Variants in ATP6V1B1 observed in about 807,000 individuals in gnomAD.
ATP6V1B1 encodes ATPase H+ transporting V1 subunit B1, also known as V-type proton ATPase subunit B, kidney isoform.
A neutral mutation model predicts 62.1 loss-of-function variants in ATP6V1B1; 41 were observed. The ratio of observed to expected loss-of-function variants is 0.66; its 90% CI spans 0.51 to 0.86. The LOEUF is 0.86. Among genes scored for constraint, ATP6V1B1 ranks in the 40% least tolerant of loss-of-function variants. The pLI, the probability that ATP6V1B1 is intolerant of heterozygous loss-of-function variation, is 0.00. For missense variants in ATP6V1B1, 651 were observed against 697.5 expected (o/e 0.93, Z 0.75); for synonymous variants, 253 against 273.4 (o/e 0.93, Z 0.74).
chr2:70,962,849 T>C lies in ATP6V1B1; in HGVS notation c.858T>C (p.His286=), dbSNP rs2104831219. ...AEFLAYQCEK[H]VLVILTDMSS... is the part of the protein sequence containing the mutation. ...TCCTTGCCTACCAGTGTGAGAAGCA[T>C]GTGCTGGTCATACTGACGGACATGA... The change falls in exon 9 of 14, where the codon CAT becomes CAC. Residue 286 remains histidine (H), a synonymous_variant. Coordinates refer to ENST00000234396, the MANE Select transcript of ATP6V1B1 (RefSeq NM_001692.4). The C allele has an allele frequency of 6.2e-7, 1 of 1,614,170 alleles. No individual in the cohort carries two copies. The highest frequency in any genetic ancestry group is 8.5e-7 in the Non-Finnish European group (1 of 1,180,014).
chr2:70,964,244 GT>G, intron 11 of ATP6V1B1, 193 bp from the exon 12 acceptor site: 1 of 602,692 alleles, frequency 1.7e-6, no homozygotes, highest in African/African-American at 1.9e-5. Context: ...CCCCTCCACT[GT>G]TCTGTCTAGG....
At chr2:70,950,350 AAAAT>A (rs2104815931) in intron 2 of ATP6V1B1, among the ~76,000 whole-genome samples, 1 of 152,310 alleles carries the variant, frequency 6.6e-6, no homozygotes, top group East Asian at 1.9e-4. Context: ...ATTAAATTTT[AAAAT>A]AAACAATAAT....
Position 70,936,006 on chromosome 2 carries a change from A to C in ATP6V1B1, c.52A>C (p.Asn18His). 3 of 1,613,966 alleles carry C rather than the reference A, an allele frequency of 1.9e-6. No homozygotes were observed. The highest frequency in any genetic ancestry group is 2.5e-6 in the Non-Finnish European group (3 of 1,179,932). Reference sequence around the variant, plus strand: ...TGGGGGGCTCCCCGGCAGTAGCTGCAACCTAGGTGCAGCCCGAGAACACAT... The same window carrying C: ...TGGGGGGCTCCCCGGCAGTAGCTGCCACCTAGGTGCAGCCCGAGAACACAT... ...RPGGLPGSSC[N>H]LGAAREHMQA... The change falls in exon 1 of 14, where the codon AAC (asparagine) becomes CAC (histidine). Residue 18 changes from asparagine to histidine, a missense_variant. Physicochemically the swap from Asn to His is moderately conservative, Grantham distance 68 (BLOSUM62 1). Transcript: ENST00000234396.
chr2:70,945,359 G>A (rs543735320), intron 2 of ATP6V1B1, among the ~76,000 whole-genome samples: 23 of 152,192 alleles, frequency 1.5e-4, no homozygotes, highest in African/African-American at 3.9e-4. Flanking sequence ...CTAAATTTGC[G>A]TAAACGTTAA....
intron 2 of ATP6V1B1, chr2:70,943,948 C>T (rs1160033182): frequency 2.2e-6 from 2 of 927,716 alleles, no homozygotes; most frequent in Non-Finnish European, 2.6e-6. Flanking sequence ...GGAGGCCCAG[C>T]CCTGGGCCTT....
At chr2:70,938,610 G>T in intron 1 of ATP6V1B1, 1 of 985,392 alleles carries the variant, frequency 1.0e-6, no homozygotes, top group Non-Finnish European at 1.2e-6. Context: ...TGGCTAGAAA[G>T]GAGGAGACAC....
intron 2 of ATP6V1B1, among the ~76,000 whole-genome samples, chr2:70,949,796 C>T (rs540639512): frequency 9.2e-5 from 14 of 152,252 alleles, no homozygotes; most frequent in African/African-American, 3.4e-4. Context: ...TCTTTTGCAA[C>T]AATAAATGAA....
At chr2:70,941,429 C>T (rs1440920817) in intron 1 of ATP6V1B1, 1 of 985,406 alleles carries the variant, frequency 1.0e-6, no homozygotes, top group East Asian at 1.1e-4. Flanking sequence ...TGCCCTTTCC[C>T]CAGCTCCCTG....
At chr2:70,936,173 A>T in intron 1 of ATP6V1B1, 101 bp downstream of exon 1, 1 of 1,270,422 alleles carries the variant, frequency 7.9e-7, no homozygotes, top group Non-Finnish European at 1.1e-6. Context: ...AAGGAGGAGG[A>T]CCCAAGACCT....
At position 70,965,133 on chromosome 2, in the gene ATP6V1B1, G is replaced by A. The variant is rs77794859; in HGVS notation, c.*12G>A. ...ACACTGCGCTCTAGCCCCGCGCGCC[G>A]TGGCACCCCAACACCGGCAGGGAAC... On this transcript the variant is annotated 3_prime_UTR_variant, in exon 14 of 14. Transcript: ENST00000234396. The A allele has an allele frequency of 5.0e-3, 8,092 of 1,606,664 alleles. 355 individuals are homozygous for A. In the African/African-American group the frequency reaches 0.097, roughly 19 times the overall value.
At chr2:70,938,508 A>C in intron 1 of ATP6V1B1, 1 of 978,656 alleles carries the variant, frequency 1.0e-6, no homozygotes, top group Non-Finnish European at 1.2e-6. Flanking sequence ...AGGTGAGTCC[A>C]GGTGACTTAG....
At position 70,963,100 on chromosome 2, in the gene ATP6V1B1, C is replaced by A; in HGVS notation, c.910-62C>A. 1.9e-6 allele frequency: 3 copies of A among 1,611,888 alleles called. No individual in the cohort carries two copies. In the South Asian group the frequency reaches 3.3e-5, roughly 18 times the overall value. On this transcript the variant is annotated intron_variant, in intron 9 of 13. Coordinates refer to ENST00000234396, the MANE Select transcript of ATP6V1B1 (RefSeq NM_001692.4). This position sits in a 1 kb window ranked among gnomAD's most constrained non-coding sequence, Gnocchi z 4.3. The stretch of plus-strand genomic sequence containing the variant: ...CTCACAGGGTCACTGAACCTCCCAC[C>A]CACCCTTCCTAGCTTCAGCCTCTCA...
chr2:70,964,605 C>T (rs1283240197), intron 12 of ATP6V1B1, 63 bp downstream of exon 12: 25 of 1,609,936 alleles, frequency 1.6e-5, no homozygotes, highest in Non-Finnish European at 2.0e-5. Flanking sequence ...AGGCCTGAGC[C>T]CCATCTGAAG....
intron 2 of ATP6V1B1, chr2:70,947,634 G>A (rs537113304): frequency 6.6e-6 from 1 of 152,342 alleles, no homozygotes; most frequent in South Asian, 2.1e-4. Flanking sequence ...GCACTGCCCT[G>A]GCCATTGTCA....
chr2:70,943,534 C>A lies in ATP6V1B1; in HGVS notation c.119-124C>A, dbSNP rs781788966. On this transcript the variant is annotated intron_variant, in intron 1 of 13. Coordinates refer to ENST00000234396, the MANE Select transcript of ATP6V1B1 (RefSeq NM_001692.4). ...GGCTGGCCCTGTCACAGCTAATGAC[C>A]CTGACGGCCCAGGCTGGGAAGGAGG... is the stretch of plus-strand genomic sequence containing the variant. The A allele has an allele frequency of 9.7e-6, 10 of 1,035,322 alleles. No individual in the cohort carries two copies. In the African/African-American group the frequency reaches 1.4e-4, roughly 15 times the overall value. The allele number at this position is 1,035,322 out of a possible 1,614,324, so 64.1% of individuals were successfully genotyped here.
At chr2:70,961,188 T>C (rs781872836) in intron 7 of ATP6V1B1, 166 bp downstream of exon 7, 274 of 742,410 alleles carry the variant, frequency 3.7e-4, no homozygotes, top group Admixed American at 5.7e-4. Context: ...CCTCAGGGTG[T>C]CCCAAAGGCA....
intron 1 of ATP6V1B1, chr2:70,938,906 C>A: frequency 1.6e-6 from 1 of 618,658 alleles, no homozygotes; most frequent in Non-Finnish European, 2.0e-6. Flanking sequence ...GAGTGCCAAA[C>A]CACTGTCTTT....
At chr2:70,964,143 A>C in intron 11 of ATP6V1B1, 1 of 82,908 alleles carries the variant, frequency 1.2e-5, no homozygotes, top group Non-Finnish European at 2.0e-5. Context: ...TTTTGCAGCT[A>C]TTAACCATTA....
chr2:70,958,920 G>A (rs1680513916), intron 4 of ATP6V1B1, 98 bp from the exon 5 acceptor site: 1 of 1,178,736 alleles, frequency 8.5e-7, no homozygotes, highest in South Asian at 1.3e-5. Flanking sequence ...CACTCCTGTG[G>A]GGAGTGGGTG....
Sources: gnomAD v4.1 joint callset for allele counts (sites outside exome capture counted in the v4.1 genomes callset) on GRCh38, gnomAD v4.1.1 for gene constraint, Gnocchi (gnomAD v3.1) non-coding constraint, MANE v1.5 for transcripts, NCBI Gene and HGNC (gene_info 2026-07-23, HGNC 2026-07-21) for gene names.